TENM2: variants seen among roughly 807,000 people sequenced by gnomAD.
TENM2 encodes teneurin transmembrane protein 2.
Under a neutral mutation model 245.2 loss-of-function variants are expected in TENM2, and 52 were observed. That is an observed-to-expected ratio of 0.21 (90% CI 0.17 to 0.27). TENM2 has a LOEUF of 0.27. Among genes scored for constraint, TENM2 ranks in the 10% least tolerant of loss-of-function variants. TENM2 has a pLI of 1.00. For missense variants in TENM2, 3,046 were observed against 3,666.8 expected, an observed-to-expected ratio of 0.83 and a Z score of 4.37; for synonymous variants, 1,363 against 1,438.9, an observed-to-expected ratio of 0.95 and a Z score of 1.19.
the TENM2 span, among the ~76,000 whole-genome samples, chr5:167,109,598 G>A: frequency 6.6e-5 from 10 of 151,900 alleles, no homozygotes; most frequent in African/African-American, 2.4e-4. Flanking sequence ...GTTTTTCAGT[G>A]CTATAAACCC....
chr5:168,103,285 C>A (rs1362548895), intron 9 of TENM2, among the ~76,000 whole-genome samples: 1 of 152,194 alleles, frequency 6.6e-6, no homozygotes, highest in Non-Finnish European at 1.5e-5. Flanking sequence ...CCATACAGAG[C>A]GCACCCAGCT....
At chr5:168,262,199 A>G in exon 29 of TENM2, 1 of 1,610,878 alleles carries the variant, frequency 6.2e-7, no homozygotes, top group Non-Finnish European at 8.5e-7. Flanking sequence ...TGGCAAAGGC[A>G]TCATGTTTGC....
chr5:166,993,545 A>G, the TENM2 span, among the ~76,000 whole-genome samples: 1 of 152,170 alleles, frequency 6.6e-6, no homozygotes. Flanking sequence ...AGTTTTCCTC[A>G]GTTAGATATT....
the TENM2 span, among the ~76,000 whole-genome samples, chr5:167,072,373 G>A: frequency 1.9e-4 from 29 of 152,304 alleles, no homozygotes; most frequent in African/African-American, 6.7e-4. Context: ...TGATGTCTGG[G>A]TGTAGCTTAG....
At chr5:167,395,663 T>C (rs1561921390) in intron 2 of TENM2, among the ~76,000 whole-genome samples, 1 of 152,156 alleles carries the variant, frequency 6.6e-6, no homozygotes, top group Non-Finnish European at 1.5e-5. Context: ...ATCTCATCAA[T>C]AAGTTCTTGG....
At chr5:167,967,093 C>T (rs1237961441) in intron 4 of TENM2, 1 of 152,132 alleles carries the variant, frequency 6.6e-6, no homozygotes, top group East Asian at 1.9e-4. Flanking sequence ...AAACTGGCAG[C>T]TTATTAATCT....
intron 2 of TENM2, among the ~76,000 whole-genome samples, chr5:167,431,940 CAT>C (rs1189670905): frequency 4.6e-5 from 3 of 65,856 alleles, no homozygotes; most frequent in African/African-American, 1.2e-4. Context: ...TATATATATA[CAT>C]ATATATGTAT....
At chr5:167,413,175 C>A (rs796402272) in intron 2 of TENM2, among the ~76,000 whole-genome samples, 1 of 152,020 alleles carries the variant, frequency 6.6e-6, no homozygotes, top group East Asian at 1.9e-4. Flanking sequence ...TAATTCAATT[C>A]TATTTGTTTT....
At chr5:168,048,118 G>A (rs1788769583) in intron 6 of TENM2, among the ~76,000 whole-genome samples, 1 of 151,652 alleles carries the variant, frequency 6.6e-6, no homozygotes, top group South Asian at 2.1e-4. Context: ...TCAGAACAGT[G>A]AAGGGGACAA....
chr5:167,070,132 T>TATTTATTTATTTA, the TENM2 span, among the ~76,000 whole-genome samples: 23 of 150,284 alleles, frequency 1.5e-4, no homozygotes, highest in Non-Finnish European at 2.2e-4. Flanking sequence ...TTTATTTATT[T>TATTTATTTATTTA]TTTGAGACAG....
chr5:167,582,662 G>A (rs2127685572), intron 2 of TENM2, among the ~76,000 whole-genome samples: 1 of 152,188 alleles, frequency 6.6e-6, no homozygotes, highest in Middle Eastern at 3.4e-3. Flanking sequence ...TCAGATAAAT[G>A]AACATTTACA....
intron 2 of TENM2, among the ~76,000 whole-genome samples, chr5:167,439,155 A>C (rs1419360867): frequency 6.6e-6 from 1 of 152,174 alleles, no homozygotes; most frequent in Non-Finnish European, 1.5e-5. Flanking sequence ...AAGGAGGCAG[A>C]GGTGATCAGG....
intron 1 of TENM2, among the ~76,000 whole-genome samples, chr5:167,285,655 T>A (rs1771301621): frequency 6.6e-6 from 1 of 152,210 alleles, no homozygotes; most frequent in Non-Finnish European, 1.5e-5. Context: ...TGTTATCACT[T>A]CTCCAGGGTT....
intron 2 of TENM2, among the ~76,000 whole-genome samples, chr5:167,797,124 A>C (rs930896319): frequency 2.0e-5 from 3 of 152,118 alleles, no homozygotes; most frequent in Non-Finnish European, 4.4e-5. Context: ...ATTGACAGTC[A>C]TTTGACCATT....
chr5:167,721,608 A>G (rs545112416), intron 2 of TENM2, among the ~76,000 whole-genome samples: 80 of 152,270 alleles, frequency 5.3e-4, no homozygotes, highest in African/African-American at 1.8e-3. Flanking sequence ...TTTAGTTGTC[A>G]CATTTCCCTC....
intron 5 of TENM2, among the ~76,000 whole-genome samples, chr5:168,045,227 C>T (rs1426397244): frequency 6.6e-6 from 1 of 152,094 alleles, no homozygotes; most frequent in East Asian, 1.9e-4. Flanking sequence ...TAACCCTTTC[C>T]ACCTCATCTG....
At chr5:167,771,312 A>G (rs1445118876) in intron 2 of TENM2, among the ~76,000 whole-genome samples, 1 of 152,166 alleles carries the variant, frequency 6.6e-6, no homozygotes, top group East Asian at 1.9e-4. Context: ...TCAGCAGAGG[A>G]TGTTGGAATA....
intron 2 of TENM2, among the ~76,000 whole-genome samples, chr5:167,599,494 T>C (rs916664050): frequency 3.9e-5 from 6 of 152,208 alleles, no homozygotes; most frequent in African/African-American, 4.8e-5. Context: ...GAATTTTCTA[T>C]GGATCAGTTT....
chr5:168,241,912 G>A (rs768116588), intron 25 of TENM2, among the ~76,000 whole-genome samples: 3 of 152,112 alleles, frequency 2.0e-5, no homozygotes, highest in Admixed American at 6.5e-5. Flanking sequence ...GATCTGAAAG[G>A]AGCTTAGGGA....
Sources: gnomAD v4.1 joint callset for allele counts (sites outside exome capture counted in the v4.1 genomes callset) on GRCh38, gnomAD v4.1.1 for gene constraint, MANE v1.5 for transcripts, NCBI Gene and HGNC (gene_info 2026-07-23, HGNC 2026-07-21) for gene names.